Variants in PTPRD observed in about 807,000 individuals in gnomAD.
PTPRD encodes receptor-type tyrosine-protein phosphatase delta.
In PTPRD, 34 loss-of-function variants were observed where a neutral mutation model predicts 214.5. The observed-to-expected ratio is 0.16, with a 90% confidence interval of 0.12 to 0.21. The LOEUF is 0.21. PTPRD is among the 10% of genes least tolerant of loss of function. PTPRD has a pLI of 1.00. For synonymous variants in PTPRD, 1,128 were observed against 845.7 expected (o/e 1.33, Z -5.79); for missense variants, 2,545 against 2,398.7 (o/e 1.06, Z -1.27).
At chr9:10,471,521 T>C (rs1010855575) in intron 2 of PTPRD, among the ~76,000 whole-genome samples, 2 of 152,126 alleles carry the variant, frequency 1.3e-5, no homozygotes, top group Admixed American at 1.3e-4. Flanking sequence ...AGTGTTTGTA[T>C]GATTTTGTAC....
At chr9:8,607,261 T>C (rs560812670) in intron 14 of PTPRD, among the ~76,000 whole-genome samples, 2 of 152,346 alleles carry the variant, frequency 1.3e-5, no homozygotes, top group Non-Finnish European at 2.9e-5. Flanking sequence ...GTATATATAC[T>C]TAAAAACATC....
chr9:8,699,524 T>G (rs1342897171), intron 12 of PTPRD, among the ~76,000 whole-genome samples: 1 of 152,168 alleles, frequency 6.6e-6, no homozygotes, highest in Non-Finnish European at 1.5e-5. Flanking sequence ...CAAAGTAAAC[T>G]GACTCCATTG....
At chr9:9,960,448 A>C (rs2094283336) in intron 4 of PTPRD, among the ~76,000 whole-genome samples, 1 of 152,106 alleles carries the variant, frequency 6.6e-6, no homozygotes, top group Non-Finnish European at 1.5e-5. Context: ...TGCTTCCAAG[A>C]GTACAGTATG....
intron 3 of PTPRD, among the ~76,000 whole-genome samples, chr9:10,145,683 C>T (rs1315287777): frequency 6.7e-6 from 1 of 149,870 alleles, no homozygotes; most frequent in East Asian, 2.0e-4. Context: ...TACCATTAAC[C>T]TCTGCATTGT....
chr9:9,789,096 A>G (rs2154494482), intron 5 of PTPRD, among the ~76,000 whole-genome samples: 1 of 152,354 alleles, frequency 6.6e-6, no homozygotes, highest in Non-Finnish European at 1.5e-5. Flanking sequence ...GGGATCTTAT[A>G]ACATTTTTTG....
intron 8 of PTPRD, among the ~76,000 whole-genome samples, chr9:9,513,865 C>T (rs548945787): frequency 5.8e-4 from 88 of 152,078 alleles, no homozygotes; most frequent in Middle Eastern, 3.4e-3. Flanking sequence ...GCATTTTCTT[C>T]CTCAAATAAA....
At chr9:9,303,304 T>C (rs531104396) in intron 9 of PTPRD, among the ~76,000 whole-genome samples, 11 of 152,074 alleles carry the variant, frequency 7.2e-5, no homozygotes, top group Non-Finnish European at 1.0e-4. Context: ...AAATACACAA[T>C]TGGTTTCATA....
intron 3 of PTPRD, among the ~76,000 whole-genome samples, chr9:10,173,373 G>C (rs931802725): frequency 1.3e-5 from 2 of 152,092 alleles, no homozygotes; most frequent in Admixed American, 6.6e-5. Flanking sequence ...TACAAAAAAT[G>C]AGTTAAGGAA....
At chr9:10,362,128 A>T (rs544381282) in intron 2 of PTPRD, among the ~76,000 whole-genome samples, 13 of 152,292 alleles carry the variant, frequency 8.5e-5, no homozygotes, top group African/African-American at 2.6e-4. Context: ...TGATTTCATA[A>T]GAAAATTTGT....
Position 9,994,701 on chromosome 9 carries a change from TAAAC to T in PTPRD, c.-472+39013_-472+39016del, listed in dbSNP as rs140835668. Among the ~76,000 whole-genome samples, 1,225 of 152,302 alleles carry T rather than the reference TAAAC, an allele frequency of 8.0e-3. 9 individuals carry two copies. Among genetic ancestry groups the T allele is most frequent in the African/African-American group, 0.027 (1,138 of 41,572 alleles). On this transcript the variant is annotated intron_variant, in intron 4 of 45. Coordinates refer to ENST00000381196, the MANE Select transcript of PTPRD (RefSeq NM_002839.4). Reference sequence around the variant, plus strand: ...TACTCAATAAAGACCATGTGCATCTTAAACAATCACAAAACATATTTACAATTGA... The same window carrying T: ...TACTCAATAAAGACCATGTGCATCTTAATCACAAAACATATTTACAATTGA...
chr9:8,355,476 G>C (rs2076741881), intron 39 of PTPRD, among the ~76,000 whole-genome samples: 1 of 152,168 alleles, frequency 6.6e-6, no homozygotes, highest in South Asian at 2.1e-4. Context: ...GAATAAATAA[G>C]AGCTAGTATT....
At chr9:8,712,517 G>A (rs887794554) in intron 12 of PTPRD, among the ~76,000 whole-genome samples, 1 of 151,788 alleles carries the variant, frequency 6.6e-6, no homozygotes, top group Non-Finnish European at 1.5e-5. Context: ...AAGTGTGAAA[G>A]TGGACAGATA....
At chr9:9,433,500 C>T (rs776404449) in intron 8 of PTPRD, among the ~76,000 whole-genome samples, 2 of 151,928 alleles carry the variant, frequency 1.3e-5, no homozygotes, top group African/African-American at 4.8e-5. Context: ...TTTTAAAGTG[C>T]TTGTTTTTCC....
chr9:9,717,315 G>C (rs1303825981), intron 7 of PTPRD, among the ~76,000 whole-genome samples: 1 of 152,124 alleles, frequency 6.6e-6, no homozygotes, highest in African/African-American at 2.4e-5. Flanking sequence ...TTTCACTTAG[G>C]ATTGACTTGG....
At chr9:8,949,075 T>G (rs530454825) in intron 11 of PTPRD, among the ~76,000 whole-genome samples, 120 of 151,802 alleles carry the variant, frequency 7.9e-4, no homozygotes, top group African/African-American at 2.2e-3. Flanking sequence ...AATACAAAAA[T>G]TAGCTGGGTG....
chr9:8,927,772 G>T lies in PTPRD; in HGVS notation c.-104+90925C>A, dbSNP rs1053683299. On this transcript the variant is annotated intron_variant, in intron 11 of 45. Transcript: ENST00000381196. Reference sequence around the variant, plus strand: ...GGTATTTCTGTTTCTAGATCCTTGAGGAATTGCCACACTGACTTCCACAAT... The same window carrying T: ...GGTATTTCTGTTTCTAGATCCTTGATGAATTGCCACACTGACTTCCACAAT... Among the ~76,000 whole-genome samples, 26 of 152,256 alleles carry T rather than the reference G, an allele frequency of 1.7e-4. 1 individual carries two copies. The highest frequency in any genetic ancestry group is 5.3e-4 in the African/African-American group (22 of 41,564).
intron 2 of PTPRD, among the ~76,000 whole-genome samples, chr9:10,494,118 AC>A (rs2041264155): frequency 6.6e-6 from 1 of 151,660 alleles, no homozygotes; most frequent in Admixed American, 6.6e-5. Flanking sequence ...TATACCTCCA[AC>A]TCCTTTTCAA....
intron 10 of PTPRD, among the ~76,000 whole-genome samples, chr9:9,087,134 C>A (rs2154428266): frequency 6.6e-6 from 1 of 152,118 alleles, no homozygotes; most frequent in African/African-American, 2.4e-5. Flanking sequence ...TTGGATTTTT[C>A]TCTCTGTTGT....
At chr9:8,603,578 T>C (rs1468654568) in intron 14 of PTPRD, among the ~76,000 whole-genome samples, 1 of 152,192 alleles carries the variant, frequency 6.6e-6, no homozygotes, top group Admixed American at 6.5e-5. Flanking sequence ...AAATACTTCC[T>C]TTATATGAGA....
Sources: gnomAD v4.1 joint callset for allele counts (sites outside exome capture counted in the v4.1 genomes callset) on GRCh38, gnomAD v4.1.1 for gene constraint, MANE v1.5 for transcripts, NCBI Gene and HGNC (gene_info 2026-07-23, HGNC 2026-07-21) for gene names.